THPO: variants seen among roughly 807,000 people sequenced by gnomAD.
THPO encodes MPL ligand.
THPO carries 12 observed loss-of-function variants against 17.0 expected under a neutral mutation model. The ratio of observed to expected loss-of-function variants is 0.71; its 90% CI spans 0.45 to 1.14. THPO has a LOEUF of 1.14. Among genes scored for constraint, THPO ranks in the 50% most tolerant of loss-of-function variants. The pLI is 0.00. For synonymous variants in THPO, 188 were observed against 183.0 expected, an observed-to-expected ratio of 1.03 and a Z score of -0.22; for missense variants, 365 against 427.5, an observed-to-expected ratio of 0.85 and a Z score of 1.29.
upstream of THPO, chr3:184,378,886 A>C (rs1714707578): frequency 1.0e-6 from 1 of 985,058 alleles, no homozygotes; most frequent in Admixed American, 6.1e-5. Context: ...GACAAGAGGA[A>C]TAACCAGGCC....
chr3:184,373,094 G>T lies in THPO; in HGVS notation c.481C>A (p.Arg161Ser). The change falls in exon 6 of 6, where the codon CGT (arginine) becomes AGT (serine). Residue 161 changes from arginine to serine, a missense_variant. Transcript: ENST00000647395. ...GACCCTCCTACAAGCATCAGGAAAC[G>T]CACCTTTCCTCGGAGCAGGTGTTGG... ...SFQHLLRGKV[R>S]FLMLVGGSTL... The T allele has an allele frequency of 6.2e-7, 1 of 1,613,912 alleles. No homozygotes were observed.
chr3:184,378,430 T>C (rs1036484999), upstream of THPO: 7 of 978,780 alleles, frequency 7.2e-6, no homozygotes, highest in African/African-American at 1.2e-4. Context: ...TGGCAGGACA[T>C]TTGTGTTGCT....
Position 184,373,017 on chromosome 3 carries a change from G to A in THPO, c.558C>T (p.Thr186=). ...APPTTAVPSR[T]SLVLTLNELP... ...GCTCGTTCAGTGTGAGGACTAGAGA[G>A]GTTCTGCTGGGGACAGCTGTGGTGG... Residue 186 remains threonine, a synonymous_variant, in exon 6 of 6, where the codon ACC becomes ACT. Coordinates refer to ENST00000647395, the MANE Select transcript of THPO (RefSeq NM_000460.4). 6.2e-7 allele frequency: 1 copy of A among 1,614,112 alleles called. No homozygotes were observed. Among genetic ancestry groups the A allele is most frequent in the Non-Finnish European group, 8.5e-7 (1 of 1,180,008 alleles).
chr3:184,378,304 C>A (rs1246529065), upstream of THPO: 9 of 985,544 alleles, frequency 9.1e-6, no homozygotes, highest in Non-Finnish European at 1.1e-5. Flanking sequence ...GGGTCCACTC[C>A]TCCACCCACA....
chr3:184,372,379 C>G lies in THPO; in HGVS notation c.*134G>C. 1 of 1,069,890 alleles carries G rather than the reference C, an allele frequency of 9.3e-7. No homozygotes were observed. The highest frequency in any genetic ancestry group is 1.4e-6 in the Non-Finnish European group (1 of 696,744). 66.3% of individuals were successfully genotyped at this position (1,069,890 alleles called of 1,614,324 possible). A position where few individuals can be genotyped will look rare whatever the true frequency, so the allele number is the denominator to read the frequency against. On this transcript the variant is annotated 3_prime_UTR_variant, in exon 6 of 6. Transcript: ENST00000647395. ...GTGAAAAATGATTCCCTTTTCAGTC[C>G]TGTGTATCCCTTTTACCAGGGCTTT... is the stretch of plus-strand genomic sequence containing the variant.
At position 184,372,468 on chromosome 3, in the gene THPO, G is replaced by T; in HGVS notation, c.*45C>A. On this transcript the variant is annotated 3_prime_UTR_variant, in exon 6 of 6. Coordinates refer to ENST00000647395, the MANE Select transcript of THPO (RefSeq NM_000460.4). ...TCCCAGGGGCGCCCTGCAGGGAAGG[G>T]AGCTGTACACGAGACAATGCTGATG... 6.2e-7 allele frequency: 1 copy of T among 1,611,702 alleles called. No homozygotes were observed. Among genetic ancestry groups the T allele is most frequent in the South Asian group, 1.1e-5 (1 of 90,954 alleles).
chr3:184,374,976 C>T (rs1208966139), intron 4 of THPO, among the ~76,000 whole-genome samples: 12 of 152,102 alleles, frequency 7.9e-5, no homozygotes, highest in East Asian at 1.9e-4. Context: ...TTAGTAGAGA[C>T]GGGGTTTCGC....
chr3:184,371,972 C>T lies in THPO; in HGVS notation c.*541G>A, dbSNP rs986113420. Reference sequence around the variant, plus strand: ...GAGCTTTTCGGCGCTCCCATTTATTCCTTATACAGGCTCAGTTTTGTCTAG... The same window carrying T: ...GAGCTTTTCGGCGCTCCCATTTATTTCTTATACAGGCTCAGTTTTGTCTAG... On this transcript the variant is annotated 3_prime_UTR_variant, in exon 6 of 6. Coordinates refer to ENST00000647395, the MANE Select transcript of THPO (RefSeq NM_000460.4). The T allele has an allele frequency of 1.3e-5, 2 of 154,400 alleles. No individual in the cohort carries two copies. Among genetic ancestry groups the T allele is most frequent in the African/African-American group, 4.8e-5 (2 of 41,412 alleles). 9.6% of individuals were successfully genotyped at this position (154,400 alleles called of 1,614,324 possible).
chr3:184,372,109 C>T lies in THPO; in HGVS notation c.*404G>A, dbSNP rs573846929. 19 of 218,312 alleles carry T rather than the reference C, an allele frequency of 8.7e-5. No individual in the cohort carries two copies. The highest frequency in any genetic ancestry group is 1.4e-4 in the Non-Finnish European group (15 of 106,248). 13.5% of individuals were successfully genotyped at this position (218,312 alleles called of 1,614,324 possible). Reference sequence around the variant, plus strand: ...AGAATGATAGTAAAGGGGATGGGGGCGTTGGAAGGCCTTGAATTTGAAGCA... The same window carrying T: ...AGAATGATAGTAAAGGGGATGGGGGTGTTGGAAGGCCTTGAATTTGAAGCA... On this transcript the variant is annotated 3_prime_UTR_variant, in exon 6 of 6. Transcript: ENST00000647395.
rs146417764 is a variant in THPO, at chr3:184,376,760, G to A, written c.-145-356C>T. ...CTTGGGAGGCTGAGACAGGAGAATC[G>A]CTTGTACCTGGGAGGCGGAGGTTGT... On this transcript the variant is annotated intron_variant, in intron 1 of 5. Transcript: ENST00000647395. Among the ~76,000 whole-genome samples the A allele has an allele frequency of 3.2e-4, 49 of 151,822 alleles. 2 individuals are homozygous for A. The East Asian group carries it at 9.5e-3, about 29-fold the overall frequency.
Position 184,375,511 on chromosome 3 carries a change from T to C in THPO, c.228+4A>G, listed in dbSNP as rs1315501638. 1 of 1,614,106 alleles carries C rather than the reference T, an allele frequency of 6.2e-7. No individual in the cohort carries two copies. Among genetic ancestry groups the C allele is most frequent in the African/African-American group, 1.3e-5 (1 of 75,040 alleles). On this transcript the variant is annotated splice_donor_region_variant and intron_variant, in intron 4 of 5. Transcript: ENST00000647395. ...GAAGCCAAGGTTAGGGATGGCTTTCTTACCATCTGGGTTTTCCATTCTCCC... is the reference window on the plus strand; with the variant it reads ...GAAGCCAAGGTTAGGGATGGCTTTCCTACCATCTGGGTTTTCCATTCTCCC...
rs377412493 is a variant in THPO, at chr3:184,375,916, C to T, written c.113G>A (p.Arg38His). 39 of 1,613,236 alleles carry T rather than the reference C, an allele frequency of 2.4e-5. 1 individual carries two copies. The highest frequency in any genetic ancestry group is 3.3e-5 in the South Asian group (3 of 91,048). ...CDLRVLSKLL[R>H]DSHVLHSRLS... ...TCTGCTGTGAAGGACATGGGAGTCA[C>T]GAAGCAGTTTACTGAGGACTCGGAG... Residue 38 changes from arginine to histidine, a missense_variant, in exon 3 of 6, where the codon CGT (arginine) becomes CAT (histidine). Physicochemically the swap from Arg to His is conservative, Grantham distance 29 (BLOSUM62 0). Transcript: ENST00000647395.
rs56181017 is a variant in THPO at position 184,373,738 on chromosome 3, C to T, written c.229-156G>A. Among the ~76,000 whole-genome samples, 10,970 of 152,186 alleles carry T rather than the reference C, an allele frequency of 0.072. 455 individuals carry two copies. The highest frequency in any genetic ancestry group is 0.14 in the East Asian group (708 of 5,166). ...GGGCAGGAATTCCTTCACAGTCTCC[C>T]GACAGCTGGTCATCAGCCTCTGCTT... is the stretch of plus-strand genomic sequence containing the variant. On this transcript the variant is annotated intron_variant, in intron 4 of 5. Transcript: ENST00000647395.
intron 4 of THPO, among the ~76,000 whole-genome samples, chr3:184,374,956 T>C (rs1044738064): frequency 2.0e-5 from 3 of 152,170 alleles, no homozygotes; most frequent in Non-Finnish European, 4.4e-5. Flanking sequence ...GCCCGGCTAA[T>C]TCTGTATTCT....
upstream of THPO, chr3:184,378,963 C>A (rs573265363): frequency 1.5e-6 from 1 of 674,214 alleles, no homozygotes; most frequent in East Asian, 1.4e-4. Context: ...TGCTGGCCCC[C>A]CTTTTCCTTT....
chr3:184,376,854 A>AAAAG (rs749356268), intron 1 of THPO, among the ~76,000 whole-genome samples: 2,793 of 150,616 alleles, frequency 0.019, 37 homozygotes, highest in Non-Finnish European at 0.024. Flanking sequence ...TCAAAAAAAA[A>AAAAG]AAAGAAAGAA....
intron 1 of THPO, among the ~76,000 whole-genome samples, chr3:184,376,917 C>T (rs1293040664): frequency 6.6e-6 from 1 of 151,712 alleles, no homozygotes; most frequent in Non-Finnish European, 1.5e-5. Context: ...TTTGTCAGGA[C>T]TCCTCAGTGA....
rs755007259 is a variant in THPO, at chr3:184,372,534, C to T, written c.1041G>A (p.Gln347=). The change falls in exon 6 of 6, where the codon CAG becomes CAA. Residue 347 remains glutamine (Q), a synonymous_variant. Coordinates refer to ENST00000647395, the MANE Select transcript of THPO (RefSeq NM_000460.4). ...PLLNTSYTHS[Q]NLSQEG ...AACCTTACCCTTCCTGAGACAGATT[C>T]TGGGAGTGGGTGTAGGATGTGTTTA... is the stretch of plus-strand genomic sequence containing the variant. 1 of 1,613,852 alleles carries T rather than the reference C, an allele frequency of 6.2e-7. No individual in the cohort carries two copies. The highest frequency in any genetic ancestry group is 8.5e-7 in the Non-Finnish European group (1 of 1,180,002).
chr3:184,372,778 C>T lies in THPO; in HGVS notation c.797G>A (p.Arg266His), dbSNP rs373300042. Residue 266 changes from arginine (R) to histidine (H), a missense_variant, in exon 6 of 6, where the codon CGC becomes CAC. By Grantham distance (29) the Arg-to-His change is conservative. Coordinates refer to ENST00000647395, the MANE Select transcript of THPO (RefSeq NM_000460.4). ...GTRGLFPGPS[R>H]RTLGAPDISS... The stretch of plus-strand genomic sequence containing the variant: ...AATGTCCGGGGCTCCTAGGGTCCTG[C>T]GTGAGGGTCCAGGAAAGAGTCCACG... 34 of 1,613,904 alleles carry T rather than the reference C, an allele frequency of 2.1e-5. No individual in the cohort carries two copies. Among genetic ancestry groups the T allele is most frequent in the African/African-American group, 4.0e-5 (3 of 74,852 alleles).
Sources: gnomAD v4.1 joint callset for allele counts (sites outside exome capture counted in the v4.1 genomes callset) on GRCh38, gnomAD v4.1.1 for gene constraint, MANE v1.5 for transcripts, NCBI Gene and HGNC (gene_info 2026-07-23, HGNC 2026-07-21) for gene names.